USP47: variants seen among roughly 807,000 people sequenced by gnomAD.
USP47 encodes ubiquitin specific peptidase 47.
Under a neutral mutation model 165.1 loss-of-function variants are expected in USP47, and 35 were observed. The ratio of observed to expected loss-of-function variants is 0.21; its 90% CI spans 0.16 to 0.28. USP47 has a LOEUF of 0.28. USP47 is among the 10% of genes least tolerant of loss of function. The pLI, the probability that USP47 is intolerant of heterozygous loss-of-function variation, is 1.00. For missense variants in USP47, 1,277 were observed against 1,607.4 expected (o/e 0.79, Z 3.52); for synonymous variants, 531 against 544.5 (o/e 0.98, Z 0.35).
At chr11:11,900,067 A>C (rs886182368) in intron 5 of USP47, among the ~76,000 whole-genome samples, 1 of 152,040 alleles carries the variant, frequency 6.6e-6, no homozygotes, top group African/African-American at 2.4e-5. Context: ...AGGATTGACT[A>C]TCCAGAGAGT....
At chr11:11,938,457 C>A in intron 18 of USP47, 85 bp downstream of exon 18, 1 of 917,400 alleles carries the variant, frequency 1.1e-6, no homozygotes, top group Admixed American at 2.4e-5. Flanking sequence ...GAATAAGATA[C>A]ATGCTTTACC....
At chr11:11,869,308 G>T (rs1051274665) in intron 1 of USP47, among the ~76,000 whole-genome samples, 1 of 148,824 alleles carries the variant, frequency 6.7e-6, no homozygotes, top group African/African-American at 2.4e-5. Context: ...GGAGAGTTAG[G>T]TTGAGAATTT....
At chr11:11,890,483 C>T (rs952713912) in intron 3 of USP47, among the ~76,000 whole-genome samples, 9 of 152,034 alleles carry the variant, frequency 5.9e-5, no homozygotes, top group Non-Finnish European at 1.2e-4. Context: ...AAATCAAAAC[C>T]GCAATGAGAT....
At chr11:11,926,660 G>T (rs1314992964) in intron 11 of USP47, among the ~76,000 whole-genome samples, 1 of 151,014 alleles carries the variant, frequency 6.6e-6, no homozygotes, top group African/African-American at 2.4e-5. Context: ...ATTTATTTCT[G>T]CTCTAATCTT....
chr11:11,935,668 A>C (rs906585706), intron 16 of USP47, among the ~76,000 whole-genome samples: 1 of 151,968 alleles, frequency 6.6e-6, no homozygotes, highest in Non-Finnish European at 1.5e-5. Flanking sequence ...GTGTTTCTCT[A>C]GGAGGCTTAT....
chr11:11,959,531 G>C lies in USP47; in HGVS notation c.*3356G>C, dbSNP rs1261318632. ...AGGTTTAGTGTACATGAAATTGGAA[G>C]ATGCTTCTTGATTGTAGTTCCCATG... On this transcript the variant is annotated 3_prime_UTR_variant, in exon 28 of 28. Transcript: ENST00000527733. Among the ~76,000 whole-genome samples, 1 of 152,188 alleles carries C rather than the reference G, an allele frequency of 6.6e-6. No individual in the cohort carries two copies. Among genetic ancestry groups the C allele is most frequent in the Non-Finnish European group, 1.5e-5 (1 of 68,022 alleles).
At chr11:11,863,800 C>T (rs551702228) in intron 1 of USP47, among the ~76,000 whole-genome samples, 2 of 152,138 alleles carry the variant, frequency 1.3e-5, no homozygotes, top group South Asian at 4.1e-4. Flanking sequence ...TTGGCCAGTG[C>T]GAGCCCTTTC....
intron 8 of USP47, among the ~76,000 whole-genome samples, chr11:11,908,756 A>G (rs1330591985): frequency 2.0e-5 from 3 of 152,102 alleles, no homozygotes; most frequent in African/African-American, 7.2e-5. Flanking sequence ...TGTAACTGAT[A>G]TTTGTTAGAT....
chr11:11,940,340 A>G, intron 18 of USP47, 89 bp from the exon 19 acceptor site: 1 of 1,315,884 alleles, frequency 7.6e-7, no homozygotes, highest in Non-Finnish European at 1.0e-6. Flanking sequence ...TTTTAAGAAG[A>G]ACTCAGCAGT....
Position 11,897,634 on chromosome 11 carries a change from T to C in USP47, c.534T>C (p.Tyr178=), listed in dbSNP as rs1024377594. ...TAGTAAACCAAGCAATGACTTGCTATTTGAATAGCCTTTTGCAAACACTTT... is the reference window on the plus strand; with the variant it reads ...TAGTAAACCAAGCAATGACTTGCTACTTGAATAGCCTTTTGCAAACACTTT... ...VGLVNQAMTC[Y]LNSLLQTLFM... The change falls in exon 5 of 28, where the codon TAT becomes TAC. Residue 178 remains tyrosine (Y), a synonymous_variant. Coordinates refer to ENST00000527733, the MANE Select transcript of USP47 (RefSeq NM_001282659.2). 5 of 1,611,564 alleles carry C rather than the reference T, an allele frequency of 3.1e-6. No homozygotes were observed. In the African/African-American group the frequency reaches 6.7e-5, roughly 22 times the overall value.
chr11:11,892,349 T>C (rs538322554), intron 4 of USP47, among the ~76,000 whole-genome samples: 6 of 151,644 alleles, frequency 4.0e-5, no homozygotes, highest in Non-Finnish European at 7.4e-5. Context: ...ATTATGTTTT[T>C]AAGGAAGACT....
chr11:11,930,744 A>T lies in USP47; in HGVS notation c.1644A>T (p.Arg548Ser). The T allele has an allele frequency of 6.2e-7, 1 of 1,604,306 alleles. No individual in the cohort carries two copies. Among genetic ancestry groups the T allele is most frequent in the Non-Finnish European group, 8.5e-7 (1 of 1,176,476 alleles). Residue 548 changes from arginine to serine, a missense_variant, in exon 14 of 28, where the codon AGA becomes AGT. Coordinates refer to ENST00000527733, the MANE Select transcript of USP47 (RefSeq NM_001282659.2). ...TCTATAGACTGAAGGATCCAGCCAG[A>T]AATGCAAGTATGTTTACCTACAGTT... is the stretch of plus-strand genomic sequence containing the variant. ...MLIYRLKDPARNAKFLEVDEY... is the reference protein window; with the variant it reads ...MLIYRLKDPASNAKFLEVDEY...
intron 3 of USP47, among the ~76,000 whole-genome samples, chr11:11,889,555 A>G (rs1851379882): frequency 1.3e-5 from 2 of 152,188 alleles, no homozygotes; most frequent in African/African-American, 4.8e-5. Flanking sequence ...TAAATCAGAG[A>G]AGATACAAAC....
intron 1 of USP47, among the ~76,000 whole-genome samples, chr11:11,863,917 A>G (rs1386381419): frequency 6.6e-6 from 1 of 152,088 alleles, no homozygotes; most frequent in Non-Finnish European, 1.5e-5. Flanking sequence ...CCCTAATTCT[A>G]AGATTAGCCA....
rs529146055 is a variant in USP47, at chr11:11,961,355, C to T, written c.*5180C>T. On this transcript the variant is annotated 3_prime_UTR_variant, in exon 28 of 28. Transcript: ENST00000527733. ...GATTATTCTGGATTATCTAGGTGGG[C>T]GCAATTTGATCACATGGGTCCCCAG... 4.6e-5 allele frequency among the ~76,000 whole-genome samples: 7 copies of T among 152,036 alleles called. No homozygotes were observed. The highest frequency in any genetic ancestry group is 3.9e-4 in the East Asian group (2 of 5,174).
Position 11,933,085 on chromosome 11 carries a change from GACA to G in USP47, c.1736_1738del (p.Gln579del), listed in dbSNP as rs1710909481. 1.9e-6 allele frequency: 3 copies of G among 1,613,286 alleles called. No homozygotes were observed. Among genetic ancestry groups the G allele is most frequent in the Non-Finnish European group, 2.5e-6 (3 of 1,179,564 alleles). ...AGAGAGTTGGAAGAACAAGAAAAGA[GACA>G]ACGAGAAATTGAGCGCAATACATGC... On this transcript the variant is annotated inframe_deletion, in exon 15 of 28. Coordinates refer to ENST00000527733, the MANE Select transcript of USP47 (RefSeq NM_001282659.2).
intron 27 of USP47, among the ~76,000 whole-genome samples, chr11:11,955,552 C>T (rs1335025412): frequency 6.6e-6 from 1 of 152,166 alleles, no homozygotes; most frequent in Non-Finnish European, 1.5e-5. Context: ...CCACATGTGG[C>T]TAATGGCTGT....
chr11:11,851,894 A>T (rs1848747976), intron 1 of USP47, among the ~76,000 whole-genome samples: 1 of 152,096 alleles, frequency 6.6e-6, no homozygotes, highest in African/African-American at 2.4e-5. Context: ...CACAGATGGG[A>T]TGTGTTCTTC....
intron 25 of USP47, among the ~76,000 whole-genome samples, chr11:11,954,486 C>T (rs1856435448): frequency 1.3e-5 from 2 of 152,034 alleles, no homozygotes; most frequent in Admixed American, 1.3e-4. Context: ...CGAGGATATT[C>T]ATGGAAGTAT....
Sources: allele counts gnomAD v4.1 joint callset (sites outside exome capture counted in the v4.1 genomes callset), GRCh38; gene constraint gnomAD v4.1.1; transcripts MANE v1.5; gene names NCBI Gene and HGNC (gene_info 2026-07-23, HGNC 2026-07-21).